DENND1A: variants seen among roughly 807,000 people sequenced by gnomAD.
The protein encoded by DENND1A is DENN domain containing 1A.
In DENND1A, 51 loss-of-function variants were observed where a neutral mutation model predicts 113.7. The observed-to-expected ratio is 0.45, with a 90% CI of 0.36 to 0.57. The LOEUF is 0.57. DENND1A is among the 20% of genes least tolerant of loss of function. The pLI, the probability that DENND1A is intolerant of heterozygous loss-of-function variation, is 0.00. For missense variants in DENND1A, 1,258 were observed against 1,395.9 expected (o/e 0.90, Z 1.57); for synonymous variants, 565 against 570.8 (o/e 0.99, Z 0.14).
intron 13 of DENND1A, among the ~76,000 whole-genome samples, chr9:123,469,718 C>A (rs2049245476): frequency 6.6e-6 from 1 of 152,242 alleles, no homozygotes; most frequent in Admixed American, 6.5e-5. Context: ...ACAGCTACCG[C>A]TTGCTGAGCC....
intron 8 of DENND1A, 153 bp from the exon 9 acceptor site, chr9:123,652,276 CAT>C (rs960234635): frequency 3.4e-5 from 21 of 625,276 alleles, no homozygotes; most frequent in African/African-American, 2.4e-4. Context: ...CAAATCCCCA[CAT>C]GTGTAAAATC....
At chr9:123,741,169 T>C (rs1183413152) in intron 5 of DENND1A, among the ~76,000 whole-genome samples, 1 of 152,206 alleles carries the variant, frequency 6.6e-6, no homozygotes, top group Non-Finnish European at 1.5e-5. Context: ...CATGCCTGGC[T>C]GAAATCATGC....
intron 5 of DENND1A, among the ~76,000 whole-genome samples, chr9:123,739,058 T>C (rs1235316300): frequency 2.6e-5 from 4 of 152,202 alleles, no homozygotes; most frequent in Admixed American, 6.5e-5. Context: ...CATAGGGATC[T>C]AGAATTTTTT....
intron 8 of DENND1A, among the ~76,000 whole-genome samples, chr9:123,659,565 A>G (rs2063126176): frequency 6.6e-6 from 1 of 152,264 alleles, no homozygotes; most frequent in African/African-American, 2.4e-5. Context: ...AAGGAGAAAA[A>G]GAAACAGACC....
At chr9:123,474,052 T>C (rs2049693092) in intron 13 of DENND1A, among the ~76,000 whole-genome samples, 2 of 140,494 alleles carry the variant, frequency 1.4e-5, no homozygotes, top group Admixed American at 1.5e-4. Flanking sequence ...TGGAGTGCAA[T>C]GGTGTAATCT....
At chr9:123,767,657 T>G (rs1017445758) in intron 4 of DENND1A, among the ~76,000 whole-genome samples, 2 of 152,158 alleles carry the variant, frequency 1.3e-5, no homozygotes, top group Non-Finnish European at 2.9e-5. Context: ...TGTGTGTATG[T>G]GTGTATGCAC....
chr9:123,441,630 T>C (rs766044629), intron 18 of DENND1A, among the ~76,000 whole-genome samples: 14 of 152,180 alleles, frequency 9.2e-5, no homozygotes, highest in Non-Finnish European at 1.6e-4. Flanking sequence ...ATGGGGCCAC[T>C]CATGCAATAA....
intron 13 of DENND1A, among the ~76,000 whole-genome samples, chr9:123,501,299 T>A (rs1025988972): frequency 2.0e-5 from 3 of 152,340 alleles, no homozygotes; most frequent in African/African-American, 7.2e-5. Flanking sequence ...CTGTGTAATA[T>A]TCCATTATTT....
At chr9:123,899,082 C>T (rs1357974987) in intron 1 of DENND1A, among the ~76,000 whole-genome samples, 1 of 152,344 alleles carries the variant, frequency 6.6e-6, no homozygotes, top group South Asian at 2.1e-4. Flanking sequence ...CTATATTCAG[C>T]CTGAAAACAG....
At chr9:123,725,935 C>G (rs564051663) in intron 5 of DENND1A, among the ~76,000 whole-genome samples, 1 of 152,328 alleles carries the variant, frequency 6.6e-6, no homozygotes, top group South Asian at 2.1e-4. Flanking sequence ...AAAACACGTT[C>G]AGCTTTTAGT....
intron 20 of DENND1A, among the ~76,000 whole-genome samples, chr9:123,408,000 C>CT (rs1349916052): frequency 6.6e-6 from 1 of 152,102 alleles, no homozygotes; most frequent in African/African-American, 2.4e-5. Flanking sequence ...CTTTTTTCTT[C>CT]TTTTTAAAAA....
intron 21 of DENND1A, among the ~76,000 whole-genome samples, chr9:123,395,848 C>T (rs2043100872): frequency 1.3e-5 from 2 of 152,162 alleles, no homozygotes; most frequent in Admixed American, 6.5e-5. Context: ...GACTGCAAGC[C>T]GCACTCTGCC....
intron 13 of DENND1A, among the ~76,000 whole-genome samples, chr9:123,472,193 T>C (rs1198326459): frequency 2.0e-5 from 3 of 152,100 alleles, no homozygotes; most frequent in African/African-American, 4.8e-5. Flanking sequence ...GGGCCTTCTG[T>C]ACCTGTCATT....
At chr9:123,902,810 T>G (rs1041870824) in intron 1 of DENND1A, among the ~76,000 whole-genome samples, 19 of 150,942 alleles carry the variant, frequency 1.3e-4, no homozygotes, top group Non-Finnish European at 2.2e-4. Flanking sequence ...CAGCTGTTTT[T>G]TTTTTTTTTA....
chr9:123,784,475 T>C (rs1831807026), intron 3 of DENND1A, among the ~76,000 whole-genome samples: 1 of 152,188 alleles, frequency 6.6e-6, no homozygotes, highest in Non-Finnish European at 1.5e-5. Context: ...ACAGGACTTG[T>C]AGGTGTGTCC....
chr9:123,742,006 G>A (rs1274773413), intron 5 of DENND1A, among the ~76,000 whole-genome samples: 1 of 152,216 alleles, frequency 6.6e-6, no homozygotes, highest in African/African-American at 2.4e-5. Flanking sequence ...TCAGGCCAGA[G>A]CGTTGCTCTC....
chr9:123,809,224 A>G (rs1836134720), intron 2 of DENND1A, among the ~76,000 whole-genome samples: 1 of 152,226 alleles, frequency 6.6e-6, no homozygotes, highest in Non-Finnish European at 1.5e-5. Flanking sequence ...TGCTATGCCT[A>G]GAACAATATT....
chr9:123,744,410 A>T (rs975786014), intron 5 of DENND1A, among the ~76,000 whole-genome samples: 1 of 152,210 alleles, frequency 6.6e-6, no homozygotes, highest in Non-Finnish European at 1.5e-5. Context: ...AATTGTTTCT[A>T]ACTTTTCACT....
chr9:123,532,386 G>A lies in DENND1A; in HGVS notation c.993+25184C>T, dbSNP rs532518779. ...AAGAAAATCCTGGATCACACACCAC[G>A]TTCCGTTGTCCTGTCCTTTAGCCTC... On this transcript the variant is annotated intron_variant, in intron 13 of 23. Coordinates refer to ENST00000394215, the MANE Select transcript of DENND1A (RefSeq NM_001352964.2). Among the ~76,000 whole-genome samples the A allele has an allele frequency of 4.6e-5, 7 of 152,276 alleles. No individual in the cohort carries two copies. In the South Asian group the frequency reaches 6.2e-4, roughly 14 times the overall value.
Sources: gnomAD v4.1 joint callset for allele counts (sites outside exome capture counted in the v4.1 genomes callset) on GRCh38, gnomAD v4.1.1 for gene constraint, MANE v1.5 for transcripts, NCBI Gene and HGNC (gene_info 2026-07-23, HGNC 2026-07-21) for gene names.